PALM: variants seen among roughly 807,000 people sequenced by gnomAD.
PALM encodes paralemmin, also known as paralemmin-1.
A neutral mutation model predicts 30.7 loss-of-function variants in PALM; 18 were observed. The observed-to-expected ratio is 0.59, with a 90% CI of 0.41 to 0.87. PALM has a LOEUF of 0.87. Among genes scored for constraint, PALM ranks in the 40% least tolerant of loss-of-function variants. PALM has a pLI of 0.00. For synonymous variants in PALM, 286 were observed against 242.8 expected (o/e 1.18, Z -1.66); for missense variants, 529 against 555.4 (o/e 0.95, Z 0.48).
intron 1 of PALM, among the ~76,000 whole-genome samples, chr19:715,914 G>A (rs577787267): frequency 1.3e-5 from 2 of 152,270 alleles, no homozygotes; most frequent in East Asian, 3.9e-4. Context: ...CTGGTCCCTG[G>A]ATACATGAGG....
chr19:728,403 G>T (rs920290329), intron 4 of PALM, among the ~76,000 whole-genome samples: 1 of 152,226 alleles, frequency 6.6e-6, no homozygotes, highest in African/African-American at 2.4e-5. Flanking sequence ...CTTCCCAGAC[G>T]CTGGGTTCTG....
chr19:727,715 G>T, intron 4 of PALM, 21 bp downstream of exon 4: 1 of 1,532,852 alleles, frequency 6.5e-7, no homozygotes, highest in African/African-American at 1.4e-5. Flanking sequence ...CAGCGTGGGT[G>T]CCACCGGGCT....
intron 7 of PALM, among the ~76,000 whole-genome samples, chr19:738,758 G>T (rs894533674): frequency 6.6e-6 from 1 of 152,192 alleles, no homozygotes; most frequent in Admixed American, 6.5e-5. Flanking sequence ...CCGCAGCCGG[G>T]CCTAAGCGTC....
At chr19:717,042 G>C (rs528593983) in intron 1 of PALM, among the ~76,000 whole-genome samples, 36 of 151,822 alleles carry the variant, frequency 2.4e-4, no homozygotes, top group Non-Finnish European at 2.6e-4. Flanking sequence ...TGGTTCTCCT[G>C]CCTCAGCCTC....
chr19:740,254 C>T (rs2033146924), intron 7 of PALM, 98 bp from the exon 8 acceptor site: 4 of 1,273,492 alleles, frequency 3.1e-6, no homozygotes, highest in African/African-American at 1.5e-5. Flanking sequence ...CTGCTTGGCT[C>T]TGCGCTGCTG....
At chr19:718,916 GAC>G in intron 1 of PALM, among the ~76,000 whole-genome samples, 1 of 152,104 alleles carries the variant, frequency 6.6e-6, no homozygotes, top group South Asian at 2.1e-4. Flanking sequence ...GCTCAGGGGA[GAC>G]ACAGGCTCTG....
Position 715,962 on chromosome 19 carries a change from C to A in PALM, c.5+6811C>A, listed in dbSNP as rs60129157. Among the ~76,000 whole-genome samples the A allele has an allele frequency of 7.9e-5, 12 of 152,180 alleles. 1 individual carries two copies. The East Asian group carries it at 2.3e-3, about 29-fold the overall frequency. On this transcript the variant is annotated intron_variant, in intron 1 of 8. Transcript: ENST00000338448. Reference sequence around the variant, plus strand: ...TCCTCTAGGAGGATGGCTGCGTGGACGTCTTGGTGTCTGAGGAGTGTAAAA... The same window carrying A: ...TCCTCTAGGAGGATGGCTGCGTGGAAGTCTTGGTGTCTGAGGAGTGTAAAA...
intron 1 of PALM, among the ~76,000 whole-genome samples, chr19:724,287 G>A (rs1269717180): frequency 1.3e-5 from 2 of 152,088 alleles, no homozygotes; most frequent in African/African-American, 2.4e-5. Flanking sequence ...CCCTTCAGGC[G>A]TATCCGGCAA....
chr19:728,720 A>G (rs1335111050), intron 4 of PALM, among the ~76,000 whole-genome samples: 1 of 152,046 alleles, frequency 6.6e-6, no homozygotes, highest in Non-Finnish European at 1.5e-5. Context: ...GAGGCAGAAG[A>G]AGGCCAGGCG....
chr19:734,932 T>G, intron 6 of PALM: 1 of 354,520 alleles, frequency 2.8e-6, no homozygotes, highest in Non-Finnish European at 4.0e-6. Flanking sequence ...GCCTGGTTTG[T>G]TGTGTGTTAA....
intron 8 of PALM, among the ~76,000 whole-genome samples, chr19:745,008 C>T (rs1276037180): frequency 2.0e-5 from 3 of 151,736 alleles, no homozygotes; most frequent in Non-Finnish European, 4.4e-5. Flanking sequence ...GGTGAAACCC[C>T]ATCTCTACTA....
chr19:740,299 G>GT lies in PALM; in HGVS notation c.503-53_503-52insT, dbSNP rs1380434498. On this transcript the variant is annotated intron_variant, in intron 7 of 8. Coordinates refer to ENST00000338448, the MANE Select transcript of PALM (RefSeq NM_002579.3). ...TCCCTGGCTTGGCCGCAGCCCGGCG[G>GT]GGGGGTGCGGGGGCGGGCAGGCCGT... 249 of 1,502,616 alleles carry GT rather than the reference G, an allele frequency of 1.7e-4. 2 individuals carry two copies. In the South Asian group the frequency reaches 3.0e-3, roughly 18 times the overall value. 93.1% of individuals were successfully genotyped at this position (1,502,616 alleles called of 1,614,324 possible). A position where few individuals can be genotyped will look rare whatever the true frequency, so the allele number is the denominator to read the frequency against.
intron 5 of PALM, 110 bp from the exon 6 acceptor site, chr19:734,063 T>A (rs1334314442): frequency 2.2e-6 from 2 of 898,266 alleles, no homozygotes; most frequent in East Asian, 2.4e-5. Flanking sequence ...AGCGGGTGCG[T>A]ATGACGTCAC....
At chr19:728,218 G>A (rs1475286251) in intron 4 of PALM, among the ~76,000 whole-genome samples, 1 of 152,218 alleles carries the variant, frequency 6.6e-6, no homozygotes, top group Non-Finnish European at 1.5e-5. Flanking sequence ...GGCAATCCCT[G>A]TGGGGGCTGG....
At chr19:732,451 T>C (rs1048227791) in intron 5 of PALM, among the ~76,000 whole-genome samples, 3 of 152,172 alleles carry the variant, frequency 2.0e-5, no homozygotes, top group Non-Finnish European at 4.4e-5. Flanking sequence ...TCGCAGCACT[T>C]TGGGAGGCCG....
intron 1 of PALM, among the ~76,000 whole-genome samples, chr19:723,675 C>T (rs1299826861): frequency 6.6e-6 from 1 of 152,160 alleles, no homozygotes; most frequent in African/African-American, 2.4e-5. Flanking sequence ...ACTGCAACCT[C>T]CGCCTCCTGG....
chr19:727,067 G>A lies in PALM; in HGVS notation c.117G>A (p.Arg39=). Residue 39 remains arginine (R), a synonymous_variant, in exon 3 of 9, where the codon CGG becomes CGA. Transcript: ENST00000338448. ...AGCGCCGGCAGCTGGAGGACGAGCG[G>A]AGGCAGCTGCAGCACCTGAAGGTAC... ...ENKRRQLEDE[R]RQLQHLKSKA... The A allele has an allele frequency of 6.5e-7, 1 of 1,548,952 alleles. No homozygotes were observed. The highest frequency in any genetic ancestry group is 8.7e-7 in the Non-Finnish European group (1 of 1,145,966).
At chr19:743,310 C>T (rs530931859) in intron 8 of PALM, among the ~76,000 whole-genome samples, 216 of 152,274 alleles carry the variant, frequency 1.4e-3, no homozygotes, top group Admixed American at 3.3e-3. Context: ...CCCCATCACT[C>T]CACCCTCCTC....
chr19:744,669 G>A (rs1456863308), intron 8 of PALM, among the ~76,000 whole-genome samples: 1 of 152,040 alleles, frequency 6.6e-6, no homozygotes, highest in African/African-American at 2.4e-5. Flanking sequence ...CAAGGCGGGT[G>A]GCTCACCTGA....
Sources: gnomAD v4.1 joint callset for allele counts (sites outside exome capture counted in the v4.1 genomes callset) on GRCh38, gnomAD v4.1.1 for gene constraint, MANE v1.5 for transcripts, NCBI Gene and HGNC (gene_info 2026-07-23, HGNC 2026-07-21) for gene names.